Variants in XKR6 observed in about 807,000 individuals in gnomAD.
XKR6 encodes XK related 6, also known as XK-related protein 6.
A neutral mutation model predicts 56.7 loss-of-function variants in XKR6; 22 were observed. That is an observed-to-expected ratio of 0.39 (90% CI 0.28 to 0.55). XKR6 has a LOEUF of 0.55. XKR6 is among the 20% of genes least tolerant of loss of function. The pLI, the probability that XKR6 is intolerant of heterozygous loss-of-function variation, is 0.66. For synonymous variants in XKR6, 524 were observed against 387.8 expected, an observed-to-expected ratio of 1.35 and a Z score of -4.13; for missense variants, 852 against 889.0, an observed-to-expected ratio of 0.96 and a Z score of 0.53.
chr8:10,928,692 G>A (rs998064224), intron 1 of XKR6, among the ~76,000 whole-genome samples: 1 of 152,226 alleles, frequency 6.6e-6, no homozygotes, highest in African/African-American at 2.4e-5. Flanking sequence ...TCTTCTGCCA[G>A]GGCGCGGAGT....
At chr8:10,932,259 G>A (rs1035157837) in intron 1 of XKR6, among the ~76,000 whole-genome samples, 2 of 152,144 alleles carry the variant, frequency 1.3e-5, no homozygotes, top group Non-Finnish European at 2.9e-5. Context: ...ATTGCAGTGG[G>A]AATGCAAATG....
At chr8:11,131,065 C>T (rs1169055283) in intron 1 of XKR6, among the ~76,000 whole-genome samples, 1 of 152,146 alleles carries the variant, frequency 6.6e-6, no homozygotes, top group Non-Finnish European at 1.5e-5. Context: ...CGGGGGATTT[C>T]TCTTCTAGCT....
rs544749948 is a variant in XKR6, at chr8:10,899,217, C to A, written c.962-301G>T. On this transcript the variant is annotated intron_variant, in intron 2 of 2. Coordinates refer to ENST00000416569, the MANE Select transcript of XKR6 (RefSeq NM_173683.4). ...GAGGTGGGGCCACGTCTGCCATGGG[C>A]AGCCCTTTGTGGGTTCCGCCTTAAG... Among the ~76,000 whole-genome samples, 90 of 152,344 alleles carry A rather than the reference C, an allele frequency of 5.9e-4. 1 individual carries two copies. The highest frequency in any genetic ancestry group is 2.0e-3 in the African/African-American group (84 of 41,590).
intron 1 of XKR6, among the ~76,000 whole-genome samples, chr8:11,189,028 T>A (rs1352250153): frequency 6.6e-6 from 1 of 152,166 alleles, no homozygotes; most frequent in African/African-American, 2.4e-5. Flanking sequence ...CTGGCTGTTC[T>A]CCCCACGAAT....
At chr8:11,121,117 A>T (rs538700469) in intron 1 of XKR6, among the ~76,000 whole-genome samples, 1 of 152,364 alleles carries the variant, frequency 6.6e-6, no homozygotes, top group Admixed American at 6.5e-5. Context: ...CACTCAGGAC[A>T]TAGGCATGGG....
chr8:10,966,234 T>A (rs563212387), intron 1 of XKR6, among the ~76,000 whole-genome samples: 1 of 151,744 alleles, frequency 6.6e-6, no homozygotes, highest in South Asian at 2.1e-4. Flanking sequence ...GGCCCAGGAA[T>A]TTCCATTTCT....
intron 1 of XKR6, among the ~76,000 whole-genome samples, chr8:10,982,032 C>T (rs111860030): frequency 0.077 from 11,711 of 152,246 alleles, 1,535 homozygotes; most frequent in African/African-American, 0.27. Context: ...CTGTGATCAC[C>T]GCAGAAGCCT....
chr8:11,042,035 AT>A (rs1799299083), intron 1 of XKR6, among the ~76,000 whole-genome samples: 1 of 152,164 alleles, frequency 6.6e-6, no homozygotes, highest in Admixed American at 6.6e-5. Flanking sequence ...CCAAACTGTA[AT>A]TTTGCAGTGG....
At chr8:10,954,283 C>T (rs1801810672) in intron 1 of XKR6, among the ~76,000 whole-genome samples, 1 of 152,208 alleles carries the variant, frequency 6.6e-6, no homozygotes, top group African/African-American at 2.4e-5. Flanking sequence ...TTCCCACAAA[C>T]AATGCAATGA....
intron 2 of XKR6, among the ~76,000 whole-genome samples, chr8:10,902,840 T>C (rs999283246): frequency 6.6e-6 from 1 of 152,214 alleles, no homozygotes; most frequent in African/African-American, 2.4e-5. Context: ...AGAATGATCC[T>C]GCAAGGAGGG....
At chr8:11,123,938 C>T in intron 1 of XKR6, 1 of 456,126 alleles carries the variant, frequency 2.2e-6, no homozygotes, top group Non-Finnish European at 4.4e-6. Context: ...CACCTCATCG[C>T]AGCAGAGGAT....
chr8:11,057,018 C>T (rs1036000785), intron 1 of XKR6, among the ~76,000 whole-genome samples: 1 of 152,206 alleles, frequency 6.6e-6, no homozygotes, highest in African/African-American at 2.4e-5. Context: ...GGCTGCCTGT[C>T]CAATCTGCGT....
At chr8:11,093,159 G>C (rs1383627364) in intron 1 of XKR6, among the ~76,000 whole-genome samples, 1 of 151,842 alleles carries the variant, frequency 6.6e-6, no homozygotes, top group Non-Finnish European at 1.5e-5. Flanking sequence ...GGGTTCAAAC[G>C]ATTCTCCTGC....
chr8:11,174,075 A>G (rs1348374127), intron 1 of XKR6, among the ~76,000 whole-genome samples: 1 of 152,202 alleles, frequency 6.6e-6, no homozygotes, highest in Non-Finnish European at 1.5e-5. Flanking sequence ...AAATAAAACC[A>G]CCACTGATCA....
chr8:10,954,715 C>G (rs992607470), intron 1 of XKR6, among the ~76,000 whole-genome samples: 1 of 152,072 alleles, frequency 6.6e-6, no homozygotes, highest in Non-Finnish European at 1.5e-5. Context: ...GGTGTCATAT[C>G]TAGGAAGGCT....
intron 1 of XKR6, chr8:11,108,317 G>A: frequency 2.2e-6 from 1 of 456,204 alleles, no homozygotes; most frequent in Non-Finnish European, 4.4e-6. Flanking sequence ...TAAGTGTTAT[G>A]AAACAACAGA....
At chr8:10,928,547 CCAGCCGCCTCCTGCAGAGT>C (rs1198725042) in intron 1 of XKR6, among the ~76,000 whole-genome samples, 1 of 152,032 alleles carries the variant, frequency 6.6e-6, no homozygotes, top group African/African-American at 2.4e-5. Context: ...GGCTGCGCTG[CCAGCCGCCTCCTGCAGAGT>C]CTCCCATCCC....
intron 1 of XKR6, among the ~76,000 whole-genome samples, chr8:11,147,677 T>G (rs1045210023): frequency 6.7e-6 from 1 of 149,142 alleles, no homozygotes; most frequent in East Asian, 1.9e-4. Context: ...AAAAGCTATA[T>G]GGATGGCAAA....
chr8:11,087,897 C>T (rs1797942493), intron 1 of XKR6, among the ~76,000 whole-genome samples: 2 of 152,190 alleles, frequency 1.3e-5, no homozygotes, highest in African/African-American at 4.8e-5. Context: ...AGGGTGAAGT[C>T]TGCATAAAGA....
Sources: gnomAD v4.1 joint callset for allele counts (sites outside exome capture counted in the v4.1 genomes callset) on GRCh38, gnomAD v4.1.1 for gene constraint, MANE v1.5 for transcripts, NCBI Gene and HGNC (gene_info 2026-07-23, HGNC 2026-07-21) for gene names.